Variants in ANKRD30A observed in about 807,000 individuals in gnomAD.
ANKRD30A encodes the protein ankyrin repeat domain 30A, also known as ankyrin repeat domain-containing protein 30A.
In ANKRD30A, 170 loss-of-function variants were observed where a neutral mutation model predicts 166.3. The ratio of observed to expected loss-of-function variants is 1.02; its 90% CI spans 0.90 to 1.16. ANKRD30A has a LOEUF of 1.16. Among genes scored for constraint, ANKRD30A ranks in the 50% most tolerant of loss-of-function variants. ANKRD30A has a pLI of 0.00. For synonymous variants in ANKRD30A, 564 were observed against 508.9 expected (o/e 1.11, Z -1.46); for missense variants, 1,630 against 1,518.0 (o/e 1.07, Z -1.23).
chr10:37,212,083 C>T (rs1224782409), intron 31 of ANKRD30A, among the ~76,000 whole-genome samples: 2 of 151,996 alleles, frequency 1.3e-5, no homozygotes, highest in African/African-American at 4.8e-5. Flanking sequence ...TGAATTGTCC[C>T]TTTTTACAGA....
intron 15 of ANKRD30A, among the ~76,000 whole-genome samples, chr10:37,161,276 T>C (rs1838841841): frequency 6.6e-6 from 1 of 152,088 alleles, no homozygotes; most frequent in Admixed American, 6.6e-5. Flanking sequence ...GAATGCATTA[T>C]ATTGCTTTTA....
the ANKRD30A span, among the ~76,000 whole-genome samples, chr10:37,263,998 T>A: frequency 6.6e-6 from 1 of 152,176 alleles, no homozygotes; most frequent in Non-Finnish European, 1.5e-5. Flanking sequence ...ATCATCATAT[T>A]AAGAGGACAA....
In ANKRD30A at chr10:37,149,642, G is replaced by A. The variant is rs1837765967; in HGVS notation, c.1544-9G>A. 1 of 1,611,106 alleles carries A rather than the reference G, an allele frequency of 6.2e-7. No homozygotes were observed. Among genetic ancestry groups the A allele is most frequent in the Non-Finnish European group, 8.5e-7 (1 of 1,177,888 alleles). On this transcript the variant is annotated splice_polypyrimidine_tract_variant and intron_variant, in intron 9 of 35. Coordinates refer to ENST00000361713, the MANE Select transcript of ANKRD30A (RefSeq NM_052997.3). ...TTATGATTGATGATAAATCTCTTTT[G>A]CTTTTTAGAGCCTCCTAAGAAGCCA...
At chr10:37,259,852 C>T in the ANKRD30A span, among the ~76,000 whole-genome samples, 13 of 152,012 alleles carry the variant, frequency 8.6e-5, no homozygotes, top group Admixed American at 3.9e-4. Context: ...GAGGGGGCTC[C>T]GGGTGTTTGT....
chr10:37,202,104 A>G (rs1308874159), intron 31 of ANKRD30A, among the ~76,000 whole-genome samples: 1 of 152,104 alleles, frequency 6.6e-6, no homozygotes, highest in African/African-American at 2.4e-5. Flanking sequence ...AAAAATGTGG[A>G]AGAATAGCAA....
At chr10:37,244,167 AC>A in the ANKRD30A span, among the ~76,000 whole-genome samples, 3 of 152,140 alleles carry the variant, frequency 2.0e-5, no homozygotes, top group African/African-American at 7.2e-5. Context: ...CCAGGAGGGA[AC>A]CCTATTATTA....
At chr10:37,247,067 A>C in the ANKRD30A span, among the ~76,000 whole-genome samples, 1 of 152,186 alleles carries the variant, frequency 6.6e-6, no homozygotes, top group Non-Finnish European at 1.5e-5. Context: ...TTTAAAATCT[A>C]ATTGGCTGTT....
At chr10:37,229,237 C>T (rs1469877337) in intron 34 of ANKRD30A, among the ~76,000 whole-genome samples, 1 of 151,952 alleles carries the variant, frequency 6.6e-6, no homozygotes, top group East Asian at 1.9e-4. Flanking sequence ...AAACTGCTTG[C>T]CCTTGGTACC....
intron 15 of ANKRD30A, among the ~76,000 whole-genome samples, chr10:37,159,428 G>T (rs982841178): frequency 6.6e-6 from 1 of 152,124 alleles, no homozygotes; most frequent in Non-Finnish European, 1.5e-5. Context: ...TGAGGTGGGA[G>T]AATCGCTTGA....
rs957381152 is a variant in ANKRD30A, at chr10:37,139,720, TATTG to T, written c.821-1977_821-1974del. Among the ~76,000 whole-genome samples the T allele has an allele frequency of 2.6e-5, 4 of 152,320 alleles. No homozygotes were observed. In the South Asian group the frequency reaches 6.2e-4, roughly 24 times the overall value. ...AATAACCTATGAAGAAACATGGTTTTATTGATTGATTGATTGATTGATTGTAGAG... is the reference window on the plus strand; with the variant it reads ...AATAACCTATGAAGAAACATGGTTTTATTGATTGATTGATTGATTGTAGAG... On this transcript the variant is annotated intron_variant, in intron 6 of 35. Coordinates refer to ENST00000361713, the MANE Select transcript of ANKRD30A (RefSeq NM_052997.3).
chr10:37,191,253 A>T lies in ANKRD30A; in HGVS notation c.2512+1696A>T, dbSNP rs188541602. Among the ~76,000 whole-genome samples the T allele has an allele frequency of 9.4e-3, 1,434 of 151,806 alleles. 44 individuals carry two copies. Among genetic ancestry groups the T allele is most frequent in the African/African-American group, 0.033 (1,357 of 41,190 alleles). ...GAAATTACAAAAATGTTGGCATACT[A>T]TTCCAGTATATGGGTATGAAAATCA... On this transcript the variant is annotated intron_variant, in intron 25 of 35. Coordinates refer to ENST00000361713, the MANE Select transcript of ANKRD30A (RefSeq NM_052997.3).
At chr10:37,161,766 A>G (rs1838896669) in intron 15 of ANKRD30A, among the ~76,000 whole-genome samples, 3 of 152,212 alleles carry the variant, frequency 2.0e-5, no homozygotes, top group Admixed American at 2.0e-4. Context: ...ATTGAAAACT[A>G]AGAACATTGG....
chr10:37,135,870 A>G lies in ANKRD30A; in HGVS notation c.756-737A>G, dbSNP rs1265706128. Among the ~76,000 whole-genome samples the G allele has an allele frequency of 2.6e-5, 4 of 152,228 alleles. No homozygotes were observed. The East Asian group carries it at 7.7e-4, about 29-fold the overall frequency. ...TGCCTTGAATTACATGCCACAAAGAATAGAACATCTAATAACCAAAAGTAG... is the reference window on the plus strand; with the variant it reads ...TGCCTTGAATTACATGCCACAAAGAGTAGAACATCTAATAACCAAAAGTAG... On this transcript the variant is annotated intron_variant, in intron 5 of 35. Coordinates refer to ENST00000361713, the MANE Select transcript of ANKRD30A (RefSeq NM_052997.3).
chr10:37,125,674 A>C lies in ANKRD30A; in HGVS notation c.-114A>C. 1 of 431,614 alleles carries C rather than the reference A, an allele frequency of 2.3e-6. No individual in the cohort carries two copies. The highest frequency in any genetic ancestry group is 4.3e-6 in the Non-Finnish European group (1 of 234,736). 26.7% of individuals were successfully genotyped at this position (431,614 alleles called of 1,614,324 possible). A position where few individuals can be genotyped will look rare whatever the true frequency, so the allele number is the denominator to read the frequency against. On this transcript the variant is annotated 5_prime_UTR_variant, in exon 1 of 36. Coordinates refer to ENST00000361713, the MANE Select transcript of ANKRD30A (RefSeq NM_052997.3). ...GGCGAACACAGAACTTTTTACGGGTATCGAGGCGGTGCGTGGACTGAAGAA... is the reference window on the plus strand; with the variant it reads ...GGCGAACACAGAACTTTTTACGGGTCTCGAGGCGGTGCGTGGACTGAAGAA...
chr10:37,242,267 T>C, the ANKRD30A span, among the ~76,000 whole-genome samples: 1 of 152,186 alleles, frequency 6.6e-6, no homozygotes, highest in Non-Finnish European at 1.5e-5. Context: ...ATATCATACT[T>C]TTTGAACATG....
chr10:37,252,638 T>C, the ANKRD30A span, among the ~76,000 whole-genome samples: 1 of 152,106 alleles, frequency 6.6e-6, no homozygotes, highest in African/African-American at 2.4e-5. Flanking sequence ...GAGGCCATTA[T>C]TCTATCCCAG....
intron 34 of ANKRD30A, among the ~76,000 whole-genome samples, chr10:37,223,327 A>G (rs148982668): frequency 1.2e-3 from 185 of 151,384 alleles, no homozygotes; most frequent in African/African-American, 4.2e-3. Flanking sequence ...GAAAAAGAAA[A>G]AAAAACTATA....
the ANKRD30A span, among the ~76,000 whole-genome samples, chr10:37,263,374 T>G: frequency 6.6e-6 from 1 of 151,896 alleles, no homozygotes; most frequent in Non-Finnish European, 1.5e-5. Context: ...TCAAGAACAT[T>G]ACGTTTATTA....
chr10:37,232,723 A>AT (rs1843496565), downstream of ANKRD30A, among the ~76,000 whole-genome samples: 3 of 102,698 alleles, frequency 2.9e-5, no homozygotes, highest in African/African-American at 7.2e-5. Context: ...GAGAGATTCC[A>AT]TTTTTTGTCT....
Sources: allele counts gnomAD v4.1 joint callset (sites outside exome capture counted in the v4.1 genomes callset), GRCh38; gene constraint gnomAD v4.1.1; transcripts MANE v1.5; gene names NCBI Gene and HGNC (gene_info 2026-07-23, HGNC 2026-07-21).